PIK3CG: variants seen among roughly 807,000 people sequenced by gnomAD.
PIK3CG encodes phosphatidylinositol-4,5-bisphosphate 3-kinase catalytic subunit gamma, also known as phosphatidylinositol 4,5-bisphosphate 3-kinase catalytic subunit gamma isoform.
A neutral mutation model predicts 102.3 loss-of-function variants in PIK3CG; 55 were observed. That is an observed-to-expected ratio of 0.54 (90% CI 0.43 to 0.67). PIK3CG has a LOEUF of 0.67. Ranked by LOEUF, PIK3CG falls within the 30% of genes least tolerant of loss-of-function variation. The pLI is 0.00. For synonymous variants in PIK3CG, 552 were observed against 540.0 expected, an observed-to-expected ratio of 1.02 and a Z score of -0.31; for missense variants, 1,258 against 1,391.8, an observed-to-expected ratio of 0.90 and a Z score of 1.53.
At position 106,903,120 on chromosome 7, in the gene PIK3CG, C is replaced by G. The variant is rs1791603212; in HGVS notation, c.3031-1989C>G. ...CATATTTATATACTTAAGTATGTCT[C>G]TGAACTTTCCCTTCTGTTCCACAAA... On this transcript the variant is annotated intron_variant, in intron 10 of 10. Transcript: ENST00000496166. This position sits in a 1 kb window ranked among gnomAD's most constrained non-coding sequence, Gnocchi z 4.3. 6.6e-6 allele frequency among the ~76,000 whole-genome samples: 1 copy of G among 152,090 alleles called. No homozygotes were observed. The highest frequency in any genetic ancestry group is 6.6e-5 in the Admixed American group (1 of 15,264).
chr7:106,894,006 T>A lies in PIK3CG; in HGVS notation c.3030+7714T>A, dbSNP rs1051001238. On this transcript the variant is annotated intron_variant, in intron 10 of 10. Transcript: ENST00000496166. The surrounding 1 kb of genome is among the most constrained non-coding windows in gnomAD (Gnocchi z 4.4). ...GAAAAGGAACAGTAAAAATATGGAA[T>A]TATAATCTTATGAAACAACTATGAT... Among the ~76,000 whole-genome samples the A allele has an allele frequency of 6.6e-6, 1 of 152,180 alleles. No individual in the cohort carries two copies. The highest frequency in any genetic ancestry group is 1.5e-5 in the Non-Finnish European group (1 of 68,026).
intron 2 of PIK3CG, among the ~76,000 whole-genome samples, chr7:106,870,500 A>G (rs1790497186): frequency 2.0e-5 from 3 of 152,256 alleles, no homozygotes; most frequent in Admixed American, 2.0e-4. Flanking sequence ...GAAGACTGGC[A>G]TTAAATGAGT....
chr7:106,905,333 T>C lies in PIK3CG; in HGVS notation c.3255T>C (p.Asn1085=), dbSNP rs1413278582. ...ACAAAGGATGGACTGTGCAGTTTAA[T>C]TGGTTTCTACATCTTGTTCTTGGCA... ...CRDKGWTVQF[N]WFLHLVLGIK... Residue 1085 remains asparagine, a synonymous_variant, in exon 11 of 11, where the codon AAT becomes AAC. Coordinates refer to ENST00000496166, the MANE Select transcript of PIK3CG (RefSeq NM_001282426.2). This position sits in a 1 kb window ranked among gnomAD's most constrained non-coding sequence, Gnocchi z 5.6. 5 of 1,613,986 alleles carry C rather than the reference T, an allele frequency of 3.1e-6. No homozygotes were observed. Among genetic ancestry groups the C allele is most frequent in the Admixed American group, 3.3e-5 (2 of 59,996 alleles).
In PIK3CG at chr7:106,892,131, T is replaced by C. The variant is rs549306845; in HGVS notation, c.3030+5839T>C. ...TCATTTTTCTTGCTGGAGACTTGAG[T>C]ATTCTCCCAAGCCCAGCCACAGGGA... On this transcript the variant is annotated intron_variant, in intron 10 of 10. Coordinates refer to ENST00000496166, the MANE Select transcript of PIK3CG (RefSeq NM_001282426.2). This position sits in a 1 kb window ranked among gnomAD's most constrained non-coding sequence, Gnocchi z 5.2. Among the ~76,000 whole-genome samples, 56 of 152,134 alleles carry C rather than the reference T, an allele frequency of 3.7e-4. No individual in the cohort carries two copies. The highest frequency in any genetic ancestry group is 1.3e-3 in the African/African-American group (53 of 41,498).
chr7:106,886,721 T>C (rs77401018), intron 10 of PIK3CG, among the ~76,000 whole-genome samples: 1,847 of 152,340 alleles, frequency 0.012, 11 homozygotes, highest in Non-Finnish European at 0.02. Flanking sequence ...TGGTTTTTGC[T>C]ACAGGTGAAT....
chr7:106,900,280 T>A (rs1482078519), intron 10 of PIK3CG, among the ~76,000 whole-genome samples: 1 of 152,164 alleles, frequency 6.6e-6, no homozygotes, highest in Admixed American at 6.5e-5. Flanking sequence ...AGTTAAGTCT[T>A]CTTGTTGAAT....
At chr7:106,882,937 AC>A in intron 7 of PIK3CG, 95 bp from the exon 8 acceptor site, 16 of 924,228 alleles carry the variant, frequency 1.7e-5, no homozygotes, top group Admixed American at 2.8e-5. Flanking sequence ...AAAAAAAAAA[AC>A]CCTCTGCCCT....
At chr7:106,870,740 G>A (rs1013456181) in intron 2 of PIK3CG, among the ~76,000 whole-genome samples, 1 of 152,152 alleles carries the variant, frequency 6.6e-6, no homozygotes, top group Admixed American at 6.5e-5. Context: ...AAGTTCTGGA[G>A]TTTTCTGATA....
At position 106,879,173 on chromosome 7, in the gene PIK3CG, A is replaced by C. The variant is rs1251274707; in HGVS notation, c.2392-346A>C. On this transcript the variant is annotated intron_variant, in intron 5 of 10. Coordinates refer to ENST00000496166, the MANE Select transcript of PIK3CG (RefSeq NM_001282426.2). The surrounding 1 kb of genome is among the most constrained non-coding windows in gnomAD (Gnocchi z 4.9). The stretch of plus-strand genomic sequence containing the variant: ...TAAATCTCAGAAGGCGGACAAATAT[A>C]ATAGCCAGGTTGCTGTCTATTAAAG... Among the ~76,000 whole-genome samples, 2 of 152,182 alleles carry C rather than the reference A, an allele frequency of 1.3e-5. No homozygotes were observed. The highest frequency in any genetic ancestry group is 4.8e-5 in the African/African-American group (2 of 41,432).
In PIK3CG at chr7:106,893,513, A is replaced by G. The variant is rs1791320091; in HGVS notation, c.3030+7221A>G. On this transcript the variant is annotated intron_variant, in intron 10 of 10. Transcript: ENST00000496166. This position sits in a 1 kb window ranked among gnomAD's most constrained non-coding sequence, Gnocchi z 4.4. Reference sequence around the variant, plus strand: ...CTCAATATTTAGTTTCTTTCAGAACATTTTGTCTAACATAGAATATTGTCA... The same window carrying G: ...CTCAATATTTAGTTTCTTTCAGAACGTTTTGTCTAACATAGAATATTGTCA... 6.6e-6 allele frequency among the ~76,000 whole-genome samples: 1 copy of G among 152,222 alleles called. No homozygotes were observed. The highest frequency in any genetic ancestry group is 1.5e-5 in the Non-Finnish European group (1 of 68,038).
Position 106,883,823 on chromosome 7 carries a change from T to C in PIK3CG, c.2761-332T>C, listed in dbSNP as rs535620241. 6.6e-6 allele frequency among the ~76,000 whole-genome samples: 1 copy of C among 152,328 alleles called. No homozygotes were observed. The highest frequency in any genetic ancestry group is 1.9e-4 in the East Asian group (1 of 5,188). On this transcript the variant is annotated intron_variant, in intron 8 of 10. Transcript: ENST00000496166. The surrounding 1 kb of genome is among the most constrained non-coding windows in gnomAD (Gnocchi z 5.8). The stretch of plus-strand genomic sequence containing the variant: ...ACTCTTAGTGGTCACAAGCAAAACA[T>C]GTTCACAAATGAAGGAGAAATTACC...
chr7:106,866,725 C>A (rs955978056), intron 1 of PIK3CG, among the ~76,000 whole-genome samples: 9 of 152,158 alleles, frequency 5.9e-5, no homozygotes, highest in Non-Finnish European at 1.2e-4. Flanking sequence ...GCAGTGACAG[C>A]CAGAATGCTG....
At chr7:106,888,300 A>T (rs1791166103) in intron 10 of PIK3CG, among the ~76,000 whole-genome samples, 2 of 152,050 alleles carry the variant, frequency 1.3e-5, no homozygotes, top group African/African-American at 4.8e-5. Flanking sequence ...TCCTAGAATG[A>T]CTGCACATCT....
rs566955960 is a variant in PIK3CG at position 106,877,900 on chromosome 7, C to T, written c.2392-1619C>T. Among the ~76,000 whole-genome samples the T allele has an allele frequency of 1.4e-4, 21 of 152,240 alleles. No homozygotes were observed. The highest frequency in any genetic ancestry group is 5.1e-4 in the African/African-American group (21 of 41,534). ...CAACTTCTATATATGTTATAAATGG[C>T]ACAATAAGTTACTATTTTTGCCCTA... On this transcript the variant is annotated intron_variant, in intron 5 of 10. Coordinates refer to ENST00000496166, the MANE Select transcript of PIK3CG (RefSeq NM_001282426.2). The surrounding 1 kb of genome is among the most constrained non-coding windows in gnomAD (Gnocchi z 4.5).
intron 9 of PIK3CG, among the ~76,000 whole-genome samples, chr7:106,885,666 C>T (rs994168494): frequency 5.3e-5 from 8 of 152,126 alleles, no homozygotes; most frequent in African/African-American, 1.9e-4. Context: ...TTCTATCATG[C>T]TGCCCAAGTT....
rs566677354 is a variant in PIK3CG at position 106,890,789 on chromosome 7, G to A, written c.3030+4497G>A. ...CTTGGCCTGCTAGGCCCTGTGTGAG[G>A]CTGTCCCTCCAGCCTCATGCCACAC... On this transcript the variant is annotated intron_variant, in intron 10 of 10. Transcript: ENST00000496166. The surrounding 1 kb of genome is among the most constrained non-coding windows in gnomAD (Gnocchi z 4.2). Among the ~76,000 whole-genome samples the A allele has an allele frequency of 3.6e-4, 55 of 152,332 alleles. No individual in the cohort carries two copies. The highest frequency in any genetic ancestry group is 3.6e-3 in the Admixed American group (55 of 15,308).
rs1293904876 is a variant in PIK3CG at position 106,891,545 on chromosome 7, C to T, written c.3030+5253C>T. On this transcript the variant is annotated intron_variant, in intron 10 of 10. Transcript: ENST00000496166. This position sits in a 1 kb window ranked among gnomAD's most constrained non-coding sequence, Gnocchi z 4.4. Reference sequence around the variant, plus strand: ...ATATACACATAGTGTACATTCAATACAGGACAGTGGATAAAGGGCAGGAAC... The same window carrying T: ...ATATACACATAGTGTACATTCAATATAGGACAGTGGATAAAGGGCAGGAAC... 2.6e-5 allele frequency among the ~76,000 whole-genome samples: 4 copies of T among 152,212 alleles called. No individual in the cohort carries two copies. The East Asian group carries it at 7.7e-4, about 29-fold the overall frequency.
At position 106,905,075 on chromosome 7, in the gene PIK3CG, C is replaced by T. The variant is rs200541050; in HGVS notation, c.3031-34C>T. 16 of 1,584,758 alleles carry T rather than the reference C, an allele frequency of 1.0e-5. No homozygotes were observed. The highest frequency in any genetic ancestry group is 3.4e-5 in the Admixed American group (2 of 58,928). ...TCAGCCTACTTGTTAGTTACCATAA[C>T]AACAGTAACAGCATTTTCTTCTTCT... is the stretch of plus-strand genomic sequence containing the variant. On this transcript the variant is annotated intron_variant, in intron 10 of 10. Transcript: ENST00000496166. The surrounding 1 kb of genome is among the most constrained non-coding windows in gnomAD (Gnocchi z 5.6).
chr7:106,895,998 G>A lies in PIK3CG; in HGVS notation c.3031-9111G>A, dbSNP rs971331417. Among the ~76,000 whole-genome samples, 1 of 152,194 alleles carries A rather than the reference G, an allele frequency of 6.6e-6. No individual in the cohort carries two copies. The highest frequency in any genetic ancestry group is 1.5e-5 in the Non-Finnish European group (1 of 68,038). ...AGTGTGTACAGCCCATCAGAATCTC[G>A]ACACTGTGTTTGACAAGCATGGGAC... On this transcript the variant is annotated intron_variant, in intron 10 of 10. Coordinates refer to ENST00000496166, the MANE Select transcript of PIK3CG (RefSeq NM_001282426.2). The surrounding 1 kb of genome is among the most constrained non-coding windows in gnomAD (Gnocchi z 5.4).
Sources: allele counts gnomAD v4.1 joint callset (sites outside exome capture counted in the v4.1 genomes callset), GRCh38; gene constraint gnomAD v4.1.1; non-coding constraint Gnocchi (gnomAD v3.1); transcripts MANE v1.5; gene names NCBI Gene and HGNC (gene_info 2026-07-23, HGNC 2026-07-21).